Variants in NELL2 observed in about 807,000 individuals in gnomAD.
NELL2 encodes protein kinase C-binding protein NELL2.
Under a neutral mutation model 109.6 loss-of-function variants are expected in NELL2, and 41 were observed. That is an observed-to-expected ratio of 0.37 (90% CI 0.29 to 0.49). NELL2 has a LOEUF of 0.49. Among genes scored for constraint, NELL2 ranks in the 20% least tolerant of loss-of-function variants. NELL2 has a pLI of 0.98. For missense variants in NELL2, 900 were observed against 1,008.3 expected, an observed-to-expected ratio of 0.89 and a Z score of 1.45; for synonymous variants, 355 against 344.7, an observed-to-expected ratio of 1.03 and a Z score of -0.33.
intron 1 of NELL2, among the ~76,000 whole-genome samples, chr12:44,885,803 C>A (rs939912772): frequency 5.9e-5 from 9 of 151,372 alleles, no homozygotes; most frequent in Admixed American, 3.3e-4. Context: ...ATGGAAAAAT[C>A]AAAGAAAACA....
intron 9 of NELL2, among the ~76,000 whole-genome samples, chr12:44,726,858 T>G (rs1009988246): frequency 2.0e-5 from 3 of 152,144 alleles, no homozygotes; most frequent in African/African-American, 7.2e-5. Flanking sequence ...TTATAGCAGT[T>G]AAGTAATATT....
chr12:44,517,735 A>T, intron 19 of NELL2, among the ~76,000 whole-genome samples: 1 of 152,162 alleles, frequency 6.6e-6, no homozygotes, highest in Non-Finnish European at 1.5e-5. Context: ...ATATTGAACA[A>T]CAGAGTGCCA....
chr12:44,909,742 G>GACACAC lies in NELL2; in HGVS notation c.38+4051_38+4056dup, dbSNP rs71435995. ...ATGGTTTTGGTGACACACAGACACA[G>GACACAC]ACACACACACACACACACACACACA... On this transcript the variant is annotated intron_variant, in intron 1 of 20. Coordinates refer to the NELL2 transcript ENST00000333837. Among the ~76,000 whole-genome samples the GACACAC allele has an allele frequency of 4.0e-3, 582 of 144,532 alleles. 6 individuals are homozygous for GACACAC. Among genetic ancestry groups the GACACAC allele is most frequent in the African/African-American group, 0.013 (512 of 39,680 alleles). The allele number at this position is 144,532 out of a possible 152,430, so 94.8% of individuals were successfully genotyped here.
Position 44,886,308 on chromosome 12 carries a change from T to C in NELL2, c.39-10408A>G, listed in dbSNP as rs753268528. On this transcript the variant is annotated intron_variant, in intron 1 of 20. Coordinates refer to the NELL2 transcript ENST00000333837. ...TCTTAAGCAGGACACAAAATGCACA[T>C]ATATCAAAAGAAAAAATCGAGAAAT... is the stretch of plus-strand genomic sequence containing the variant. 6.6e-5 allele frequency among the ~76,000 whole-genome samples: 10 copies of C among 152,010 alleles called. No individual in the cohort carries two copies. In the South Asian group the frequency reaches 1.9e-3, roughly 28 times the overall value.
intron 15 of NELL2, among the ~76,000 whole-genome samples, chr12:44,598,743 T>C (rs748760304): frequency 2.6e-5 from 4 of 152,074 alleles, no homozygotes; most frequent in African/African-American, 4.8e-5. Flanking sequence ...TATGGATTTA[T>C]GGGCCAAGTG....
intron 2 of NELL2, among the ~76,000 whole-genome samples, chr12:44,825,012 T>C (rs1043391904): frequency 2.0e-5 from 3 of 152,136 alleles, no homozygotes; most frequent in African/African-American, 7.2e-5. Flanking sequence ...GCCCGGCCTG[T>C]AGTGTAATAT....
intron 1 of NELL2, among the ~76,000 whole-genome samples, chr12:44,911,438 CAG>C (rs1945778630): frequency 2.0e-5 from 3 of 151,904 alleles, no homozygotes; most frequent in Admixed American, 2.0e-4. Flanking sequence ...CAGTAGTAAA[CAG>C]TAAGTATTCC....
chr12:44,600,008 C>T lies in NELL2; in HGVS notation c.1663+7161G>A, dbSNP rs1012449424. 4.3e-5 allele frequency among the ~76,000 whole-genome samples: 6 copies of T among 141,080 alleles called. No individual in the cohort carries two copies. In the East Asian group the frequency reaches 1.3e-3, roughly 31 times the overall value. The allele number at this position is 141,080 out of a possible 152,430, so 92.6% of individuals were successfully genotyped here. ...ATGGAGTCTCGCTCTGCCGCCCAGGCTGGAGTGCAGTGGCGCGATATCTGC... is the reference window on the plus strand; with the variant it reads ...ATGGAGTCTCGCTCTGCCGCCCAGGTTGGAGTGCAGTGGCGCGATATCTGC... On this transcript the variant is annotated intron_variant, in intron 15 of 19. Transcript: ENST00000429094.
intron 19 of NELL2, 146 bp from the exon 20 acceptor site, chr12:44,509,130 G>T: frequency 1.5e-6 from 1 of 679,912 alleles, no homozygotes; most frequent in Non-Finnish European, 2.6e-6. Context: ...CACTTTTCAT[G>T]ACTCTACTAT....
intron 1 of NELL2, among the ~76,000 whole-genome samples, chr12:44,904,705 A>C (rs779178457): frequency 6.6e-6 from 1 of 152,152 alleles, no homozygotes; most frequent in Non-Finnish European, 1.5e-5. Flanking sequence ...GGGCTCCTAA[A>C]ATTCCATGCA....
chr12:44,696,826 G>T (rs1949075205), intron 12 of NELL2, among the ~76,000 whole-genome samples: 1 of 152,102 alleles, frequency 6.6e-6, no homozygotes, highest in South Asian at 2.1e-4. Flanking sequence ...CTCTATTTTA[G>T]AAGTTTGTGA....
chr12:44,565,620 T>C (rs1943628135), intron 15 of NELL2, among the ~76,000 whole-genome samples: 1 of 152,086 alleles, frequency 6.6e-6, no homozygotes, highest in Admixed American at 6.6e-5. Flanking sequence ...GTCTAGAGAG[T>C]GTACTAAAGT....
At chr12:44,877,376 C>A (rs1004409896), upstream of NELL2, among the ~76,000 whole-genome samples, 4 of 152,080 alleles carry the variant, frequency 2.6e-5, no homozygotes, top group African/African-American at 7.2e-5. Context: ...TTGAACATAG[C>A]CCTAAAATTT....
At chr12:44,666,852 AGT>A (rs1304354814) in intron 12 of NELL2, among the ~76,000 whole-genome samples, 1 of 152,084 alleles carries the variant, frequency 6.6e-6, no homozygotes, top group Admixed American at 6.5e-5. Flanking sequence ...CTCCCCTCTC[AGT>A]GTTCTGGCCA....
At chr12:44,682,734 T>C (rs563601300) in intron 12 of NELL2, among the ~76,000 whole-genome samples, 73 of 152,218 alleles carry the variant, frequency 4.8e-4, no homozygotes, top group African/African-American at 1.4e-3. Context: ...GTTGCAGATA[T>C]GCGGTGTTAT....
chr12:44,735,778 T>C (rs114654776), intron 9 of NELL2, among the ~76,000 whole-genome samples: 4 of 152,196 alleles, frequency 2.6e-5, no homozygotes, highest in South Asian at 4.1e-4. Context: ...TTTAAGAATT[T>C]TAAAAAATAT....
At chr12:44,569,548 C>T (rs1410935364) in intron 15 of NELL2, among the ~76,000 whole-genome samples, 1 of 151,952 alleles carries the variant, frequency 6.6e-6, no homozygotes, top group African/African-American at 2.4e-5. Context: ...TAATCATTAC[C>T]AAATAAGTGA....
chr12:44,904,410 G>A (rs1408928457), intron 1 of NELL2, among the ~76,000 whole-genome samples: 1 of 152,136 alleles, frequency 6.6e-6, no homozygotes, highest in Non-Finnish European at 1.5e-5. Context: ...CTCAACGCTT[G>A]CAGGTCTGGC....
At chr12:44,660,212 A>C (rs12229463) in intron 13 of NELL2, among the ~76,000 whole-genome samples, 1 of 152,186 alleles carries the variant, frequency 6.6e-6, no homozygotes, top group Admixed American at 6.5e-5. Flanking sequence ...AGGGAAAGTT[A>C]AAAGGAAAAT....
Sources: gnomAD v4.1 joint callset for allele counts (sites outside exome capture counted in the v4.1 genomes callset) on GRCh38, gnomAD v4.1.1 for gene constraint, MANE v1.5 for transcripts, NCBI Gene and HGNC (gene_info 2026-07-23, HGNC 2026-07-21) for gene names.